Variants in ATXN7L1 observed in about 807,000 individuals in gnomAD.
The protein encoded by ATXN7L1 is ataxin-7-like protein 1.
In ATXN7L1, 15 loss-of-function variants were observed where a neutral mutation model predicts 70.8. The observed-to-expected ratio is 0.21, with a 90% CI of 0.14 to 0.33. ATXN7L1 has a LOEUF of 0.33. Among genes scored for constraint, ATXN7L1 ranks in the 10% least tolerant of loss-of-function variants. ATXN7L1 has a pLI of 1.00. For missense variants in ATXN7L1, 975 were observed against 1,097.1 expected (o/e 0.89, Z 1.57); for synonymous variants, 440 against 445.1 (o/e 0.99, Z 0.14).
chr7:105,606,046 TA>T lies in ATXN7L1; in HGVS notation c.*1805del, dbSNP rs1486879627. 1.3e-5 allele frequency: 2 copies of T among 152,024 alleles called. No homozygotes were observed. The highest frequency in any genetic ancestry group is 4.8e-5 in the African/African-American group (2 of 41,420). The allele number at this position is 152,024 out of a possible 1,614,324, so 9.4% of individuals were successfully genotyped here. ...ACATTTATAAGTCTTAAAATCTCCT[TA>T]ACCTTTTTTTTTTAAAAAAAGAAAA... On this transcript the variant is annotated 3_prime_UTR_variant, in exon 12 of 12. Transcript: ENST00000419735.
At chr7:105,837,853 C>T (rs947038554) in intron 2 of ATXN7L1, among the ~76,000 whole-genome samples, 2 of 152,104 alleles carry the variant, frequency 1.3e-5, no homozygotes, top group Non-Finnish European at 2.9e-5. Flanking sequence ...GCACTCTGGA[C>T]CTCTGGGGAC....
chr7:105,749,108 T>TGTCTCTACTAAAAAATACAAAAA (rs1379788110), intron 3 of ATXN7L1, among the ~76,000 whole-genome samples: 4 of 152,030 alleles, frequency 2.6e-5, no homozygotes, highest in Admixed American at 1.3e-4. Context: ...TGTTGATGAT[T>TGTCTCTACTAAAAAATACAAAAA]TTAGACTGAG....
At position 105,624,129 on chromosome 7, in the gene ATXN7L1, G is replaced by T. The variant is rs942858531; in HGVS notation, c.1341C>A (p.Asp447Glu). ...ACTGACAGTCTAGCTTCTCGGATTCGTCGGCTCCGTCCATCTCCCCTTCAT... is the reference window on the plus strand; with the variant it reads ...ACTGACAGTCTAGCTTCTCGGATTCTTCGGCTCCGTCCATCTCCCCTTCAT... ...SSDEGEMDGA[D>E]ESEKLDCQFS... The change falls in exon 8 of 12, where the codon GAC becomes GAA. Residue 447 changes from aspartate to glutamate, a missense_variant. Asp to Glu is a conservative substitution (Grantham distance 45). This residue lies in a region of ATXN7L1 where 635 missense variants were observed against 699.4 expected (regional missense o/e 0.91). Transcript: ENST00000419735. The T allele has an allele frequency of 2.4e-5, 36 of 1,524,464 alleles. No homozygotes were observed. Among genetic ancestry groups the T allele is most frequent in the Non-Finnish European group, 3.0e-5 (34 of 1,131,372 alleles). 94.4% of individuals were successfully genotyped at this position (1,524,464 alleles called of 1,614,324 possible).
intron 3 of ATXN7L1, among the ~76,000 whole-genome samples, chr7:105,732,273 C>T (rs1224330708): frequency 3.3e-5 from 5 of 152,002 alleles, no homozygotes; most frequent in African/African-American, 9.6e-5. Flanking sequence ...ATTCGCTGGG[C>T]GTGGTGGTGC....
intron 7 of ATXN7L1, among the ~76,000 whole-genome samples, chr7:105,635,066 T>G (rs1444482104): frequency 1.3e-5 from 2 of 152,240 alleles, no homozygotes; most frequent in Non-Finnish European, 2.9e-5. Context: ...CACACTGCCC[T>G]CGTCAGTCTA....
At position 105,776,737 on chromosome 7, in the gene ATXN7L1, G is replaced by A. The variant is rs183608562; in HGVS notation, c.355+11867C>T. Among the ~76,000 whole-genome samples the A allele has an allele frequency of 3.3e-5, 5 of 152,186 alleles. No individual in the cohort carries two copies. In the East Asian group the frequency reaches 9.7e-4, roughly 29 times the overall value. The stretch of plus-strand genomic sequence containing the variant: ...CACTTGAATTTGGGATTGGAGGAGT[G>A]CTTCCTTCTGCCTGTTTATCCACCT... On this transcript the variant is annotated intron_variant, in intron 3 of 11. Transcript: ENST00000419735.
intron 2 of ATXN7L1, among the ~76,000 whole-genome samples, chr7:105,855,199 C>T (rs578044183): frequency 6.6e-5 from 10 of 152,234 alleles, no homozygotes; most frequent in African/African-American, 1.2e-4. Context: ...GTGATCCGTC[C>T]GCCTCGGCCT....
Position 105,605,772 on chromosome 7 carries a change from C to CA in ATXN7L1, c.*2079dup, listed in dbSNP as rs1206157888. 1.3e-5 allele frequency: 2 copies of CA among 152,042 alleles called. No homozygotes were observed. The highest frequency in any genetic ancestry group is 2.4e-5 in the African/African-American group (1 of 41,406). 9.4% of individuals were successfully genotyped at this position (152,042 alleles called of 1,614,324 possible). A position where few individuals can be genotyped will look rare whatever the true frequency, so the allele number is the denominator to read the frequency against. On this transcript the variant is annotated 3_prime_UTR_variant, in exon 12 of 12. Coordinates refer to ENST00000419735, the MANE Select transcript of ATXN7L1 (RefSeq NM_020725.2). ...ACAAGACAAAATTGTGCAAAAATAACAAAGATATGTACATACTTTTCAGTC... is the reference window on the plus strand; with the variant it reads ...ACAAGACAAAATTGTGCAAAAATAACAAAAGATATGTACATACTTTTCAGTC...
chr7:105,873,198 C>A (rs1220149089), intron 2 of ATXN7L1, among the ~76,000 whole-genome samples: 3 of 151,874 alleles, frequency 2.0e-5, no homozygotes, highest in East Asian at 1.9e-4. Flanking sequence ...ACAACAACAA[C>A]AAAAATCGGA....
intron 3 of ATXN7L1, among the ~76,000 whole-genome samples, chr7:105,681,884 G>A (rs1373030487): frequency 1.3e-5 from 2 of 152,102 alleles, no homozygotes; most frequent in Non-Finnish European, 2.9e-5. Flanking sequence ...GGAGGAATGG[G>A]GAGTTATTGT....
intron 4 of ATXN7L1, among the ~76,000 whole-genome samples, chr7:105,656,671 A>T (rs1253712927): frequency 1.3e-5 from 2 of 150,974 alleles, no homozygotes; most frequent in African/African-American, 4.9e-5. Flanking sequence ...CCCAGATTCA[A>T]GCGATTGTCT....
chr7:105,651,853 C>T (rs1002848409), intron 4 of ATXN7L1, among the ~76,000 whole-genome samples: 1 of 152,206 alleles, frequency 6.6e-6, no homozygotes, highest in African/African-American at 2.4e-5. Context: ...GGGCTCTCTG[C>T]TGGTTCTAAG....
chr7:105,744,159 T>A (rs903884691), intron 3 of ATXN7L1, among the ~76,000 whole-genome samples: 1 of 151,944 alleles, frequency 6.6e-6, no homozygotes, highest in East Asian at 1.9e-4. Flanking sequence ...AGACAACACA[T>A]CCCCACACAG....
chr7:105,831,637 C>T (rs1811616590), intron 2 of ATXN7L1, among the ~76,000 whole-genome samples: 1 of 152,190 alleles, frequency 6.6e-6, no homozygotes, highest in Non-Finnish European at 1.5e-5. Context: ...ACTACCAGAA[C>T]AATGTGATAG....
intron 10 of ATXN7L1, among the ~76,000 whole-genome samples, chr7:105,612,804 A>C (rs1793276204): frequency 1.3e-5 from 2 of 152,202 alleles, no homozygotes; most frequent in Admixed American, 1.3e-4. Context: ...ATGAGGTTAT[A>C]ACAAGTCTCA....
intron 3 of ATXN7L1, among the ~76,000 whole-genome samples, chr7:105,689,841 G>A (rs1263239865): frequency 6.6e-6 from 1 of 152,222 alleles, no homozygotes; most frequent in African/African-American, 2.4e-5. Flanking sequence ...GTATGAGCCA[G>A]GCCCCAAAGC....
At chr7:105,793,835 C>T (rs1473353501) in intron 2 of ATXN7L1, among the ~76,000 whole-genome samples, 2 of 152,198 alleles carry the variant, frequency 1.3e-5, no homozygotes, top group African/African-American at 4.8e-5. Flanking sequence ...AGGGAGGAGG[C>T]AACTCCATTA....
chr7:105,787,716 A>T (rs1322131176), intron 3 of ATXN7L1, among the ~76,000 whole-genome samples: 1 of 152,190 alleles, frequency 6.6e-6, no homozygotes, highest in Non-Finnish European at 1.5e-5. Context: ...CAATATTATA[A>T]TTGCTTTGAC....
chr7:105,759,188 C>T (rs1267112344), intron 3 of ATXN7L1, among the ~76,000 whole-genome samples: 1 of 146,706 alleles, frequency 6.8e-6, no homozygotes, highest in Non-Finnish European at 1.5e-5. Context: ...ATCCAGGTAC[C>T]CAATTTTATC....
Sources: allele counts gnomAD v4.1 joint callset (sites outside exome capture counted in the v4.1 genomes callset), GRCh38; gene constraint gnomAD v4.1.1; regional missense constraint gnomAD v4.1.1; transcripts MANE v1.5; gene names NCBI Gene and HGNC (gene_info 2026-07-23, HGNC 2026-07-21).